The following SLC24A2 variants were observed in gnomAD, a reference collection of about 807,000 sequenced individuals.
SLC24A2 encodes the protein sodium/potassium/calcium exchanger 2.
A neutral mutation model predicts 62.0 loss-of-function variants in SLC24A2; 36 were observed. That is an observed-to-expected ratio of 0.58 (90% CI 0.44 to 0.77). The LOEUF (loss-of-function observed/expected upper bound fraction) is 0.77. Ranked by LOEUF, SLC24A2 falls within the 30% of genes least tolerant of loss-of-function variation. The probability of loss-of-function intolerance (pLI) is 0.00; values close to 1 mark genes in which losing one functional copy is unlikely to be tolerated. For synonymous variants in SLC24A2, 358 were observed against 294.0 expected (o/e 1.22, Z -2.23); for missense variants, 846 against 817.9 (o/e 1.03, Z -0.42).
At chr9:20,083,075 T>C in the SLC24A2 span, among the ~76,000 whole-genome samples, 1 of 152,220 alleles carries the variant, frequency 6.6e-6, no homozygotes, top group Non-Finnish European at 1.5e-5. Context: ...TCTCCTTGTA[T>C]GTCTCACTCA....
chr9:20,005,700 T>C, the SLC24A2 span, among the ~76,000 whole-genome samples: 2 of 151,940 alleles, frequency 1.3e-5, no homozygotes, highest in African/African-American at 4.8e-5. Context: ...GAAGTTCTAT[T>C]AGATGTAAAT....
At chr9:20,199,885 AT>A in the SLC24A2 span, among the ~76,000 whole-genome samples, 5,916 of 131,972 alleles carry the variant, frequency 0.045, 113 homozygotes, top group African/African-American at 0.077. Flanking sequence ...TGCCTGGCTA[AT>A]TTTTTTTTTT....
the SLC24A2 span, among the ~76,000 whole-genome samples, chr9:19,970,660 T>C: frequency 6.6e-6 from 1 of 152,218 alleles, no homozygotes; most frequent in African/African-American, 2.4e-5. Context: ...CTGGTCCCCA[T>C]AGAAGTTATA....
At chr9:19,979,530 C>T in the SLC24A2 span, among the ~76,000 whole-genome samples, 1 of 152,138 alleles carries the variant, frequency 6.6e-6, no homozygotes, top group Non-Finnish European at 1.5e-5. Context: ...GACATACACG[C>T]TTTTTAGGAG....
At chr9:19,965,748 G>C in the SLC24A2 span, among the ~76,000 whole-genome samples, 1 of 152,152 alleles carries the variant, frequency 6.6e-6, no homozygotes, top group Non-Finnish European at 1.5e-5. Flanking sequence ...AGGAATTTTA[G>C]CCAGTGTTCT....
intron 2 of SLC24A2, among the ~76,000 whole-genome samples, chr9:19,647,408 C>G (rs942147328): frequency 2.0e-5 from 3 of 152,162 alleles, no homozygotes; most frequent in Admixed American, 1.3e-4. Context: ...ACAAACAGGT[C>G]TCTAAAACTG....
At chr9:19,725,387 C>A (rs1821141905) in intron 2 of SLC24A2, among the ~76,000 whole-genome samples, 1 of 152,136 alleles carries the variant, frequency 6.6e-6, no homozygotes, top group African/African-American at 2.4e-5. Context: ...AAATGTGCCT[C>A]CTCCAGAATA....
chr9:19,551,903 G>T (rs910016972), intron 7 of SLC24A2, among the ~76,000 whole-genome samples: 1 of 152,144 alleles, frequency 6.6e-6, no homozygotes, highest in East Asian at 1.9e-4. Flanking sequence ...TTTAAAAAAG[G>T]GATGCGAAGC....
At chr9:20,288,820 G>C in the SLC24A2 span, among the ~76,000 whole-genome samples, 1 of 151,806 alleles carries the variant, frequency 6.6e-6, no homozygotes, top group Admixed American at 6.6e-5. Context: ...TCTCTGCCTA[G>C]CTCTGGCTGT....
the SLC24A2 span, among the ~76,000 whole-genome samples, chr9:20,196,853 G>A: frequency 2.0e-5 from 3 of 152,110 alleles, no homozygotes; most frequent in African/African-American, 7.2e-5. Flanking sequence ...CAACACTTGT[G>A]GAATTGGCAT....
the SLC24A2 span, among the ~76,000 whole-genome samples, chr9:20,196,784 T>G: frequency 6.6e-6 from 1 of 152,212 alleles, no homozygotes; most frequent in Non-Finnish European, 1.5e-5. Context: ...TGTGGAAAAG[T>G]TGAAAACATG....
At chr9:19,664,583 C>T (rs763122130) in intron 2 of SLC24A2, among the ~76,000 whole-genome samples, 5 of 152,354 alleles carry the variant, frequency 3.3e-5, no homozygotes, top group Non-Finnish European at 5.9e-5. Context: ...TCCTAATCCA[C>T]AGTACCTGTG....
At chr9:19,965,878 T>C in the SLC24A2 span, among the ~76,000 whole-genome samples, 21 of 152,170 alleles carry the variant, frequency 1.4e-4, no homozygotes, top group Admixed American at 1.1e-3. Flanking sequence ...TGATCCTCCA[T>C]TCCTTAAAAC....
chr9:20,247,653 G>C, the SLC24A2 span, among the ~76,000 whole-genome samples: 1 of 152,168 alleles, frequency 6.6e-6, no homozygotes, highest in Non-Finnish European at 1.5e-5. Flanking sequence ...AATTTCTATT[G>C]TTGGTTAGCC....
the SLC24A2 span, among the ~76,000 whole-genome samples, chr9:19,831,228 T>C: frequency 2.0e-5 from 3 of 152,200 alleles, no homozygotes; most frequent in Admixed American, 2.0e-4. Flanking sequence ...TAGCACTGAC[T>C]GTAAGAAATT....
At chr9:20,088,084 T>C in the SLC24A2 span, among the ~76,000 whole-genome samples, 6 of 152,158 alleles carry the variant, frequency 3.9e-5, no homozygotes, top group African/African-American at 1.4e-4. Flanking sequence ...CCACAGGAGC[T>C]TTAGATACCT....
intron 2 of SLC24A2, among the ~76,000 whole-genome samples, chr9:19,737,797 T>C (rs1439421515): frequency 6.6e-6 from 1 of 152,026 alleles, no homozygotes; most frequent in East Asian, 1.9e-4. Flanking sequence ...TAAAATTTGG[T>C]TTTAAAAAAT....
the SLC24A2 span, among the ~76,000 whole-genome samples, chr9:19,823,054 C>G: frequency 1.5e-3 from 231 of 152,164 alleles, 4 homozygotes; most frequent in Non-Finnish European, 9.1e-4. Context: ...AAATCTTTTC[C>G]AATTCTAGTC....
intron 7 of SLC24A2, among the ~76,000 whole-genome samples, chr9:19,560,768 CAT>C (rs1195160116): frequency 6.6e-6 from 1 of 152,098 alleles, no homozygotes; most frequent in Non-Finnish European, 1.5e-5. Context: ...TGAAATAAAT[CAT>C]TGTGTTCACT....
Sources: allele counts gnomAD v4.1 joint callset (sites outside exome capture counted in the v4.1 genomes callset), GRCh38; gene constraint gnomAD v4.1.1; transcripts MANE v1.5; gene names NCBI Gene and HGNC (gene_info 2026-07-23, HGNC 2026-07-21).